The following BCAS3 variants were observed in gnomAD, a reference collection of about 807,000 sequenced individuals.
The protein encoded by BCAS3 is BCAS4/BCAS3 fusion.
BCAS3 carries 53 observed loss-of-function variants against 116.1 expected under a neutral mutation model. That is an observed-to-expected ratio of 0.46 (90% CI 0.37 to 0.57). The LOEUF is 0.57. BCAS3 is among the 20% of genes least tolerant of loss of function. The pLI is 0.00. For missense variants in BCAS3, 917 were observed against 1,165.4 expected (o/e 0.79, Z 3.10); for synonymous variants, 391 against 408.2 (o/e 0.96, Z 0.51).
chr17:60,811,415 G>A, intron 7 of BCAS3: 1 of 615,372 alleles, frequency 1.6e-6, no homozygotes, highest in Non-Finnish European at 3.0e-6. Flanking sequence ...GATAGTGGAT[G>A]GCAAAGTGGT....
intron 14 of BCAS3, among the ~76,000 whole-genome samples, chr17:60,988,828 A>T (rs757788455): frequency 6.6e-6 from 1 of 151,762 alleles, no homozygotes; most frequent in Non-Finnish European, 1.5e-5. Context: ...TTATCTTTTT[A>T]AAAAACCAAC....
At chr17:61,049,414 TAAA>T (rs953205914) in intron 19 of BCAS3, among the ~76,000 whole-genome samples, 19 of 151,928 alleles carry the variant, frequency 1.3e-4, no homozygotes, top group African/African-American at 4.6e-4. Context: ...GAAAATAACT[TAAA>T]AAGAGTATCA....
chr17:61,206,829 A>AAG (rs1346247809), intron 22 of BCAS3, among the ~76,000 whole-genome samples: 2 of 126,134 alleles, frequency 1.6e-5, no homozygotes, highest in Non-Finnish European at 3.4e-5. Context: ...AAAAAAAAAA[A>AAG]TTGTGAAGGG....
chr17:61,338,392 CAG>C (rs1019165025), intron 22 of BCAS3, among the ~76,000 whole-genome samples: 5 of 151,932 alleles, frequency 3.3e-5, no homozygotes, highest in African/African-American at 9.7e-5. Flanking sequence ...GTAAAGTTAC[CAG>C]AGTCGCTTTT....
At chr17:60,721,159 G>C (rs576585206) in intron 5 of BCAS3, among the ~76,000 whole-genome samples, 142 of 152,160 alleles carry the variant, frequency 9.3e-4, no homozygotes, top group African/African-American at 2.9e-3. Flanking sequence ...CAGTTTTTAT[G>C]GGTTTCATTT....
At chr17:61,295,128 T>G (rs2052770807) in intron 22 of BCAS3, among the ~76,000 whole-genome samples, 1 of 152,130 alleles carries the variant, frequency 6.6e-6, no homozygotes, top group African/African-American at 2.4e-5. Flanking sequence ...TCCCGAGGCT[T>G]CTCTCTAAGC....
In BCAS3 at chr17:61,021,770, A is replaced by G. The variant is rs1277631938; in HGVS notation, c.1637+5869A>G. Among the ~76,000 whole-genome samples, 1 of 152,232 alleles carries G rather than the reference A, an allele frequency of 6.6e-6. No homozygotes were observed. The highest frequency in any genetic ancestry group is 2.4e-5 in the African/African-American group (1 of 41,476). ...CATCCAGTTGATATTTGTAGACCAA[A>G]TCTACCATCAGACTTGGCTATGTGA... On this transcript the variant is annotated intron_variant, in intron 16 of 23. Coordinates refer to ENST00000407086, the MANE Select transcript of BCAS3 (RefSeq NM_017679.5). The surrounding 1 kb of genome is among the most constrained non-coding windows in gnomAD (Gnocchi z 4.6).
intron 22 of BCAS3, among the ~76,000 whole-genome samples, chr17:61,268,288 G>C (rs1482775487): frequency 6.6e-6 from 1 of 152,072 alleles, no homozygotes; most frequent in African/African-American, 2.4e-5. Context: ...GAATTTTACA[G>C]TCAATGATAG....
intron 23 of BCAS3, among the ~76,000 whole-genome samples, chr17:61,374,525 C>G (rs1166398193): frequency 6.6e-6 from 1 of 152,226 alleles, no homozygotes; most frequent in Non-Finnish European, 1.5e-5. Context: ...GGGAGACTGT[C>G]TGTTCCCCGT....
chr17:60,799,603 C>T (rs2047550787), intron 6 of BCAS3, among the ~76,000 whole-genome samples: 1 of 144,714 alleles, frequency 6.9e-6, no homozygotes, highest in Non-Finnish European at 1.5e-5. Context: ...ATCTTGGCTC[C>T]CTGCAGCCTC....
chr17:61,183,140 A>AT (rs911683557), intron 22 of BCAS3, among the ~76,000 whole-genome samples: 2 of 152,134 alleles, frequency 1.3e-5, no homozygotes, highest in Admixed American at 6.5e-5. Flanking sequence ...CATTAAACAA[A>AT]TTTTTTTGTT....
At chr17:61,294,068 A>G (rs925653620) in intron 22 of BCAS3, among the ~76,000 whole-genome samples, 7 of 152,184 alleles carry the variant, frequency 4.6e-5, no homozygotes, top group African/African-American at 1.7e-4. Flanking sequence ...ATTTTTCTGC[A>G]AAGTAGTTTG....
intron 6 of BCAS3, among the ~76,000 whole-genome samples, chr17:60,774,195 CTCTTCATGTT>C (rs2045048594): frequency 6.6e-6 from 1 of 151,872 alleles, no homozygotes; most frequent in African/African-American, 2.4e-5. Context: ...CTATTGGTGC[CTCTTCATGTT>C]TCTTCATGTT....
Position 61,115,653 on chromosome 17 carries a change from C to G in BCAS3, c.2425+31089C>G, listed in dbSNP as rs1423670192. ...TTTACACTGTTGATGGGACTGTAAA[C>G]TAGTTCAACCATTGTGGAAGTCAGT... is the stretch of plus-strand genomic sequence containing the variant. On this transcript the variant is annotated intron_variant, in intron 22 of 23. Transcript: ENST00000407086. Among the ~76,000 whole-genome samples, 36 of 136,240 alleles carry G rather than the reference C, an allele frequency of 2.6e-4. No individual in the cohort carries two copies. In the East Asian group the frequency reaches 7.3e-3, roughly 28 times the overall value. The allele number at this position is 136,240 out of a possible 152,430, so 89.4% of individuals were successfully genotyped here.
intron 10 of BCAS3, among the ~76,000 whole-genome samples, chr17:60,894,287 C>T (rs993983776): frequency 6.6e-6 from 1 of 151,352 alleles, no homozygotes; most frequent in Non-Finnish European, 1.5e-5. Flanking sequence ...TTGTAGAGAT[C>T]TTTCATCTCC....
At chr17:60,778,866 G>C (rs763991947) in intron 6 of BCAS3, among the ~76,000 whole-genome samples, 1 of 152,070 alleles carries the variant, frequency 6.6e-6, no homozygotes, top group Non-Finnish European at 1.5e-5. Context: ...GCTATAAGTA[G>C]CATATGATTT....
At chr17:60,895,593 G>A (rs2057454577) in intron 10 of BCAS3, among the ~76,000 whole-genome samples, 2 of 151,924 alleles carry the variant, frequency 1.3e-5, no homozygotes, top group Non-Finnish European at 1.5e-5. Flanking sequence ...CTAATTATGG[G>A]TTTGGTTTAT....
chr17:61,117,832 C>T (rs539124085), intron 22 of BCAS3, among the ~76,000 whole-genome samples: 2 of 152,082 alleles, frequency 1.3e-5, no homozygotes, highest in Non-Finnish European at 2.9e-5. Context: ...AGTATATTTG[C>T]TATAACTGAT....
At chr17:60,718,042 G>T (rs1196217157) in intron 5 of BCAS3, among the ~76,000 whole-genome samples, 1 of 152,118 alleles carries the variant, frequency 6.6e-6, no homozygotes, top group Non-Finnish European at 1.5e-5. Context: ...GGGTTCGCGC[G>T]CCTATGATAA....
Sources: gnomAD v4.1 joint callset for allele counts (sites outside exome capture counted in the v4.1 genomes callset) on GRCh38, gnomAD v4.1.1 for gene constraint, Gnocchi (gnomAD v3.1) non-coding constraint, MANE v1.5 for transcripts, NCBI Gene and HGNC (gene_info 2026-07-23, HGNC 2026-07-21) for gene names.